VCL: variants seen among roughly 807,000 people sequenced by gnomAD.
VCL encodes epididymis luminal protein 114.
VCL carries 47 observed loss-of-function variants against 125.7 expected under a neutral mutation model. The observed-to-expected ratio is 0.37, with a 90% CI of 0.30 to 0.48. The LOEUF is 0.48. Ranked by LOEUF, VCL falls within the 20% of genes least tolerant of loss-of-function variation. The probability of loss-of-function intolerance (pLI) is 0.99; values close to 1 mark genes in which losing one functional copy is unlikely to be tolerated. For missense variants in VCL, 1,069 were observed against 1,455.5 expected (o/e 0.73, Z 4.32); for synonymous variants, 458 against 514.6 (o/e 0.89, Z 1.49).
intron 1 of VCL, among the ~76,000 whole-genome samples, chr10:74,000,418 T>C (rs1840205337): frequency 6.6e-6 from 1 of 151,738 alleles, no homozygotes. Flanking sequence ...GTTTGTTTGT[T>C]TGTTTGTTTG....
At chr10:74,006,077 C>T (rs757628079) in intron 1 of VCL, among the ~76,000 whole-genome samples, 13 of 151,686 alleles carry the variant, frequency 8.6e-5, no homozygotes, top group South Asian at 8.3e-4. Flanking sequence ...GTAGAGACAG[C>T]GTTTCACCTT....
intron 1 of VCL, among the ~76,000 whole-genome samples, chr10:74,024,448 T>TA (rs1418625641): frequency 6.6e-6 from 1 of 151,964 alleles, no homozygotes; most frequent in Non-Finnish European, 1.5e-5. Context: ...CTGTCTCTAC[T>TA]AAAAATACAA....
chr10:74,078,799 TCCAGAAACATCTTAAA>T (rs978115622), intron 6 of VCL, among the ~76,000 whole-genome samples: 19 of 152,150 alleles, frequency 1.2e-4, no homozygotes, highest in Admixed American at 5.2e-4. Flanking sequence ...ATCTATACTT[TCCAGAAACATCTTAAA>T]CCAGAAACAT....
rs146622819 is a variant in VCL, at chr10:74,091,076, C to T, written c.1352+878C>T. ...TCAGCTTTCCAAAGTTTTGGGATTA[C>T]AGGCATGAGCCACTGCACCTAACTG... On this transcript the variant is annotated intron_variant, in intron 10 of 21. Coordinates refer to ENST00000211998, the MANE Select transcript of VCL (RefSeq NM_014000.3). Among the ~76,000 whole-genome samples, 440 of 152,292 alleles carry T rather than the reference C, an allele frequency of 2.9e-3. 4 individuals are homozygous for T. Among genetic ancestry groups the T allele is most frequent in the African/African-American group, 0.01 (416 of 41,552 alleles).
chr10:74,100,465 T>C (rs1840034252), intron 13 of VCL, among the ~76,000 whole-genome samples: 2 of 152,188 alleles, frequency 1.3e-5, no homozygotes, highest in African/African-American at 4.8e-5. Context: ...TAATGGGATA[T>C]ATGAAGGATG....
At chr10:74,033,831 A>G (rs991483696) in intron 1 of VCL, among the ~76,000 whole-genome samples, 19 of 152,228 alleles carry the variant, frequency 1.2e-4, no homozygotes, top group African/African-American at 4.3e-4. Context: ...TATGTTACCA[A>G]TTGACCCAGT....
chr10:74,096,510 A>G (rs1839972060), intron 12 of VCL, among the ~76,000 whole-genome samples: 1 of 152,228 alleles, frequency 6.6e-6, no homozygotes, highest in African/African-American at 2.4e-5. Flanking sequence ...TATCTCAGGT[A>G]TCACCAGCTA....
rs549275362 is a variant in VCL at position 74,017,046 on chromosome 10, C to CTTT, written c.168+18688_168+18690dup. Among the ~76,000 whole-genome samples the CTTT allele has an allele frequency of 2.6e-4, 29 of 113,146 alleles. 2 individuals are homozygous for CTTT. Among genetic ancestry groups the CTTT allele is most frequent in the African/African-American group, 1.1e-3 (26 of 24,284 alleles). 74.2% of individuals were successfully genotyped at this position (113,146 alleles called of 152,430 possible). On this transcript the variant is annotated intron_variant, in intron 1 of 21. Coordinates refer to ENST00000211998, the MANE Select transcript of VCL (RefSeq NM_014000.3). ...TGTAGCATATGTCAGAATTTCCTTC[C>CTTT]TTTTTTTTTTTTTTTTTTTGAGACG...
chr10:74,057,657 GTGTGGTGGCTCACGT>G (rs1233339576), intron 2 of VCL, among the ~76,000 whole-genome samples: 2 of 152,182 alleles, frequency 1.3e-5, no homozygotes, highest in African/African-American at 4.8e-5. Flanking sequence ...TCATGGCCAG[GTGTGGTGGCTCACGT>G]TGTAATCCCA....
chr10:74,017,220 T>C (rs1311074746), intron 1 of VCL, among the ~76,000 whole-genome samples: 1 of 150,930 alleles, frequency 6.6e-6, no homozygotes, highest in Non-Finnish European at 1.5e-5. Context: ...GCTAATTTTT[T>C]GTATTTTTAG....
chr10:74,004,343 C>T (rs775724768), intron 1 of VCL, among the ~76,000 whole-genome samples: 12 of 151,976 alleles, frequency 7.9e-5, no homozygotes, highest in Non-Finnish European at 1.3e-4. Flanking sequence ...TGGTGGTCTC[C>T]GTTTTACAGA....
intron 10 of VCL, among the ~76,000 whole-genome samples, chr10:74,092,096 G>A (rs1237837416): frequency 2.0e-5 from 3 of 151,978 alleles, no homozygotes; most frequent in African/African-American, 2.4e-5. Flanking sequence ...TTTTAGTAGA[G>A]ATGGGGTTTC....
At chr10:74,000,335 C>T (rs1042124441) in intron 1 of VCL, among the ~76,000 whole-genome samples, 2 of 146,586 alleles carry the variant, frequency 1.4e-5, no homozygotes, top group East Asian at 2.0e-4. Context: ...GTGATCATAG[C>T]TCACTGCAGC....
At chr10:74,117,104 A>T (rs1483051963) in intron 21 of VCL, among the ~76,000 whole-genome samples, 1 of 152,190 alleles carries the variant, frequency 6.6e-6, no homozygotes, top group East Asian at 1.9e-4. Flanking sequence ...TTAGATTTTC[A>T]TGGGTTTAAA....
At chr10:74,041,166 A>ATT (rs56303815) in intron 1 of VCL, among the ~76,000 whole-genome samples, 2 of 151,038 alleles carry the variant, frequency 1.3e-5, no homozygotes, top group Non-Finnish European at 3.0e-5. Flanking sequence ...TTCTTACTCC[A>ATT]TTTTTTTTTC....
chr10:74,105,401 C>T lies in VCL; in HGVS notation c.2434+48C>T, dbSNP rs55984079. The T allele has an allele frequency of 0.047, 75,573 of 1,610,172 alleles. 2,110 individuals are homozygous for T. The highest frequency in any genetic ancestry group is 0.08 in the Middle Eastern group (355 of 4,424). On this transcript the variant is annotated intron_variant, in intron 16 of 21. Transcript: ENST00000211998. ...TCTCACCTCCACTGAGAGGTTAACT[C>T]AGGAAAGGTCGTGAGGGAATATGTA...
chr10:74,022,666 C>T (rs1203123109), intron 1 of VCL, among the ~76,000 whole-genome samples: 4 of 147,238 alleles, frequency 2.7e-5, no homozygotes, highest in African/African-American at 5.0e-5. Context: ...GACGGAGTTT[C>T]GTTCTTGTTG....
chr10:74,038,020 C>T lies in VCL; in HGVS notation c.169-5063C>T, dbSNP rs561216235. The stretch of plus-strand genomic sequence containing the variant: ...TTTTCTTTTTTTTTTTTTTTTGAGA[C>T]GGAGTCTCGCTCTGTCGCCTAGGCT... On this transcript the variant is annotated intron_variant, in intron 1 of 21. Coordinates refer to ENST00000211998, the MANE Select transcript of VCL (RefSeq NM_014000.3). Among the ~76,000 whole-genome samples, 216 of 141,192 alleles carry T rather than the reference C, an allele frequency of 1.5e-3. 1 individual carries two copies. The highest frequency in any genetic ancestry group is 2.6e-3 in the Non-Finnish European group (174 of 66,178). The allele number at this position is 141,192 out of a possible 152,430, so 92.6% of individuals were successfully genotyped here.
chr10:74,087,350 T>C (rs1358320997), intron 8 of VCL, among the ~76,000 whole-genome samples: 3 of 142,742 alleles, frequency 2.1e-5, no homozygotes, highest in East Asian at 4.0e-4. Flanking sequence ...TTTTTTTTTT[T>C]TTTTTCTTTT....
Sources: gnomAD v4.1 joint callset for allele counts (sites outside exome capture counted in the v4.1 genomes callset) on GRCh38, gnomAD v4.1.1 for gene constraint, MANE v1.5 for transcripts, NCBI Gene and HGNC (gene_info 2026-07-23, HGNC 2026-07-21) for gene names.